THSD7B: variants seen among roughly 807,000 people sequenced by gnomAD.
The protein encoded by THSD7B is thrombospondin type-1 domain-containing protein 7B.
In THSD7B, 138 loss-of-function variants were observed where a neutral mutation model predicts 213.6. That is an observed-to-expected ratio of 0.65 (90% confidence interval 0.56 to 0.74). THSD7B has a LOEUF of 0.74. Ranked by LOEUF, THSD7B falls within the 30% of genes least tolerant of loss-of-function variation. THSD7B has a pLI of 0.00. For synonymous variants in THSD7B, 742 were observed against 687.0 expected, an observed-to-expected ratio of 1.08 and a Z score of -1.25; for missense variants, 1,931 against 1,991.5, an observed-to-expected ratio of 0.97 and a Z score of 0.58.
At chr2:137,658,741 C>G (rs750172579) in intron 24 of THSD7B, among the ~76,000 whole-genome samples, 11 of 152,192 alleles carry the variant, frequency 7.2e-5, no homozygotes, top group Non-Finnish European at 1.6e-4. Context: ...TTTCAAGTCA[C>G]AGTGAGAATT....
intron 15 of THSD7B, among the ~76,000 whole-genome samples, chr2:137,492,289 T>C (rs1182853866): frequency 6.6e-6 from 1 of 152,212 alleles, no homozygotes; most frequent in Non-Finnish European, 1.5e-5. Flanking sequence ...TTCCATCTTA[T>C]ACCTATTTTC....
At chr2:137,177,508 G>A (rs1680380540) in intron 7 of THSD7B, among the ~76,000 whole-genome samples, 1 of 152,088 alleles carries the variant, frequency 6.6e-6, no homozygotes, top group Non-Finnish European at 1.5e-5. Flanking sequence ...AAAACTAGTA[G>A]GCATCAGAAT....
intron 2 of THSD7B, among the ~76,000 whole-genome samples, chr2:136,918,395 A>C (rs1684380145): frequency 6.6e-6 from 1 of 152,068 alleles, no homozygotes; most frequent in Non-Finnish European, 1.5e-5. Context: ...AACTCAATCC[A>C]TCTCCCCTTT....
chr2:137,145,736 G>A (rs868597775), intron 5 of THSD7B, among the ~76,000 whole-genome samples: 1 of 151,974 alleles, frequency 6.6e-6, no homozygotes, highest in Non-Finnish European at 1.5e-5. Flanking sequence ...TGCACCTGTA[G>A]TTTTTCATAT....
intron 3 of THSD7B, among the ~76,000 whole-genome samples, chr2:137,068,713 T>A (rs1003177273): frequency 6.6e-6 from 1 of 152,114 alleles, no homozygotes; most frequent in East Asian, 1.9e-4. Flanking sequence ...AAGTACAGAT[T>A]CCTTTTACTC....
chr2:137,623,713 T>A (rs1464352299), intron 20 of THSD7B, among the ~76,000 whole-genome samples: 3 of 152,228 alleles, frequency 2.0e-5, no homozygotes, highest in Admixed American at 6.5e-5. Flanking sequence ...AAATCATGAG[T>A]GAACTCCCAT....
At chr2:137,582,576 G>C (rs952530376) in intron 17 of THSD7B, among the ~76,000 whole-genome samples, 1 of 145,876 alleles carries the variant, frequency 6.9e-6, no homozygotes, top group Non-Finnish European at 1.5e-5. Context: ...ACCTATGAGT[G>C]AGAACATGTG....
intron 20 of THSD7B, among the ~76,000 whole-genome samples, chr2:137,630,563 C>T (rs1207639576): frequency 2.0e-5 from 3 of 152,216 alleles, no homozygotes; most frequent in Non-Finnish European, 4.4e-5. Context: ...CTTGAATCCT[C>T]ATACAGCACA....
chr2:136,783,874 T>C (rs1298376961), intron 1 of THSD7B, among the ~76,000 whole-genome samples: 1 of 152,208 alleles, frequency 6.6e-6, no homozygotes, highest in Admixed American at 6.5e-5. Context: ...TGCCTGTGAA[T>C]CAGTTTGTGA....
At chr2:137,089,558 A>T (rs1312602484) in intron 3 of THSD7B, among the ~76,000 whole-genome samples, 1 of 151,932 alleles carries the variant, frequency 6.6e-6, no homozygotes, top group African/African-American at 2.4e-5. Flanking sequence ...GTAACTCAGG[A>T]ATGGGAAACC....
At position 137,169,286 on chromosome 2, in the gene THSD7B, G is replaced by GTT. The variant is rs70978205; in HGVS notation, c.1526-1440_1526-1439dup. On this transcript the variant is annotated intron_variant, in intron 6 of 27. Transcript: ENST00000409968. ...AGGATTTTTAAGTGCTTTATTTGAG[G>GTT]TTTTTTTTTTTTTTTTAATCTAAGT... Among the ~76,000 whole-genome samples, 737 of 140,556 alleles carry GTT rather than the reference G, an allele frequency of 5.2e-3. 1 individual carries two copies. The highest frequency in any genetic ancestry group is 0.015 in the Middle Eastern group (4 of 260). The allele number at this position is 140,556 out of a possible 152,430, so 92.2% of individuals were successfully genotyped here.
chr2:136,782,421 T>C (rs1018402364), intron 1 of THSD7B, among the ~76,000 whole-genome samples: 1 of 152,172 alleles, frequency 6.6e-6, no homozygotes, highest in Admixed American at 6.5e-5. Flanking sequence ...TTGTTTGCAT[T>C]TCAATTGTCA....
At chr2:137,048,932 G>A (rs997355052) in intron 2 of THSD7B, among the ~76,000 whole-genome samples, 6 of 152,298 alleles carry the variant, frequency 3.9e-5, no homozygotes, top group Admixed American at 1.3e-4. Flanking sequence ...TCAGGAGAAC[G>A]TTGTGTGGGA....
chr2:137,192,396 T>C (rs757502412), intron 7 of THSD7B, among the ~76,000 whole-genome samples: 1 of 152,138 alleles, frequency 6.6e-6, no homozygotes, highest in Admixed American at 6.5e-5. Context: ...TCATGATCAA[T>C]CATGAATGTC....
intron 9 of THSD7B, among the ~76,000 whole-genome samples, chr2:137,238,549 T>C: frequency 8.5e-6 from 1 of 117,244 alleles, no homozygotes; most frequent in South Asian, 3.4e-4. Context: ...TTTTTTTTTT[T>C]TTTTTTTTTT....
chr2:137,285,175 G>A (rs1683139112), intron 12 of THSD7B, among the ~76,000 whole-genome samples: 2 of 151,988 alleles, frequency 1.3e-5, no homozygotes, highest in Non-Finnish European at 2.9e-5. Context: ...TGTCTCTTTT[G>A]ATCTTTATTG....
intron 12 of THSD7B, among the ~76,000 whole-genome samples, chr2:137,305,892 A>G (rs1167371287): frequency 1.3e-5 from 2 of 152,182 alleles, no homozygotes; most frequent in East Asian, 3.8e-4. Flanking sequence ...CTCCTAGGCT[A>G]CAAACCTGTA....
intron 3 of THSD7B, among the ~76,000 whole-genome samples, chr2:137,063,524 TA>T (rs1687318434): frequency 6.6e-6 from 1 of 152,078 alleles, no homozygotes; most frequent in Non-Finnish European, 1.5e-5. Context: ...TCCTTTGTGT[TA>T]TAAACAATCC....
chr2:137,233,100 T>C lies in THSD7B; in HGVS notation c.2117T>C (p.Val706Ala). The C allele has an allele frequency of 6.2e-7, 1 of 1,613,834 alleles. No homozygotes were observed. The highest frequency in any genetic ancestry group is 8.5e-7 in the Non-Finnish European group (1 of 1,179,796). ...VGIQTRRVFCVKSHVGQVMTK... is the reference protein window; with the variant it reads ...VGIQTRRVFCAKSHVGQVMTK... The stretch of plus-strand genomic sequence containing the variant: ...ATTCAGACTCGGAGAGTCTTCTGTG[T>C]CAAGAGTCACGTGGGACAAGTAATG... Residue 706 changes from valine to alanine, a missense_variant, in exon 9 of 28, where the codon GTC (valine) becomes GCC (alanine). Transcript: ENST00000409968.
Sources: gnomAD v4.1 joint callset for allele counts (sites outside exome capture counted in the v4.1 genomes callset) on GRCh38, gnomAD v4.1.1 for gene constraint, MANE v1.5 for transcripts, NCBI Gene and HGNC (gene_info 2026-07-23, HGNC 2026-07-21) for gene names.